PRKCH: variants seen among roughly 807,000 people sequenced by gnomAD.
PRKCH encodes the protein protein kinase C eta type.
Under a neutral mutation model 82.5 loss-of-function variants are expected in PRKCH, and 28 were observed. That is an observed-to-expected ratio of 0.34 (90% CI 0.25 to 0.47). The LOEUF (loss-of-function observed/expected upper bound fraction) is 0.47, where lower values mean the gene tolerates loss of function less well. PRKCH is among the 20% of genes least tolerant of loss of function. The probability of loss-of-function intolerance (pLI) is 1.00; values close to 1 mark genes in which losing one functional copy is unlikely to be tolerated. For missense variants in PRKCH, 705 were observed against 881.8 expected (o/e 0.80, Z 2.54); for synonymous variants, 322 against 327.4 (o/e 0.98, Z 0.18).
chr14:61,221,651 C>T (rs1337241692), intron 1 of PRKCH, among the ~76,000 whole-genome samples: 1 of 152,038 alleles, frequency 6.6e-6, no homozygotes, highest in African/African-American at 2.4e-5. Flanking sequence ...GACCTTGGTC[C>T]CCACTTAGAG....
At chr14:61,534,421 A>G (rs544049225) in intron 12 of PRKCH, among the ~76,000 whole-genome samples, 1 of 152,296 alleles carries the variant, frequency 6.6e-6, no homozygotes, top group African/African-American at 2.4e-5. Flanking sequence ...GTTCTTTACC[A>G]ATATTGACTT....
At chr14:61,529,334 C>A in intron 11 of PRKCH, 121 bp downstream of exon 11, 1 of 1,214,386 alleles carries the variant, frequency 8.2e-7, no homozygotes, top group Non-Finnish European at 1.1e-6. Context: ...GTGTCTAGAG[C>A]CGACACCTCT....
At chr14:61,439,034 A>G (rs1441477284) in intron 2 of PRKCH, among the ~76,000 whole-genome samples, 1 of 152,208 alleles carries the variant, frequency 6.6e-6, no homozygotes, top group Non-Finnish European at 1.5e-5. Flanking sequence ...ATTTAGAGCC[A>G]TTGGGCACCT....
At chr14:61,481,109 G>A (rs181104032) in intron 9 of PRKCH, among the ~76,000 whole-genome samples, 4 of 152,294 alleles carry the variant, frequency 2.6e-5, no homozygotes, top group East Asian at 1.9e-4. Flanking sequence ...ACACTGTGGC[G>A]ATGTGCTGTG....
Position 61,306,514 on chromosome 14 carries a change from G to A in PRKCH, c.-19+118846G>A, listed in dbSNP as rs146017645. The stretch of plus-strand genomic sequence containing the variant: ...CCCCAGACAGAAAGCTGAAGAGGAC[G>A]TGCAGATCACATTGTGTTTCCTTTC... On this transcript the variant is annotated intron_variant, in intron 1 of 3. Coordinates refer to the PRKCH transcript ENST00000555185. 5.9e-5 allele frequency: 9 copies of A among 152,306 alleles called. No homozygotes were observed. In the East Asian group the frequency reaches 1.2e-3, roughly 20 times the overall value. 9.4% of individuals were successfully genotyped at this position (152,306 alleles called of 1,614,324 possible).
intron 10 of PRKCH, among the ~76,000 whole-genome samples, chr14:61,503,383 G>A (rs1258387272): frequency 6.6e-6 from 1 of 151,654 alleles, no homozygotes; most frequent in African/African-American, 2.4e-5. Flanking sequence ...AAAGTTAACT[G>A]AGGTCTGCCA....
chr14:61,327,675 A>T (rs529295598), intron 1 of PRKCH, among the ~76,000 whole-genome samples: 18 of 152,250 alleles, frequency 1.2e-4, no homozygotes, highest in African/African-American at 4.1e-4. Context: ...TTGTTAATGA[A>T]TTTGCTTATT....
intron 2 of PRKCH, among the ~76,000 whole-genome samples, chr14:61,395,519 A>G (rs530073386): frequency 1.3e-5 from 2 of 152,270 alleles, no homozygotes; most frequent in Admixed American, 6.5e-5. Context: ...TTGGACTGTG[A>G]AAAGGGCATT....
chr14:61,245,503 G>T (rs1020179814), intron 1 of PRKCH, among the ~76,000 whole-genome samples: 1 of 152,260 alleles, frequency 6.6e-6, no homozygotes, highest in South Asian at 2.1e-4. Flanking sequence ...TTCGTGAGAT[G>T]TGGGCAGGTA....
intron 7 of PRKCH, among the ~76,000 whole-genome samples, chr14:61,453,833 T>TA (rs1046629233): frequency 2.0e-5 from 3 of 151,504 alleles, no homozygotes; most frequent in African/African-American, 7.3e-5. Context: ...TTTTATTTTT[T>TA]TTTTTGTAGA....
intron 4 of PRKCH, among the ~76,000 whole-genome samples, chr14:61,446,213 C>G: frequency 6.7e-6 from 1 of 150,246 alleles, no homozygotes; most frequent in Non-Finnish European, 1.5e-5. Flanking sequence ...CAAAGTTAAG[C>G]TGTCAGTGAT....
At chr14:61,385,894 A>G (rs373006441) in intron 1 of PRKCH, among the ~76,000 whole-genome samples, 2 of 152,194 alleles carry the variant, frequency 1.3e-5, no homozygotes, top group Non-Finnish European at 1.5e-5. Flanking sequence ...GGAGTTGCCC[A>G]CCTGTCTGAA....
chr14:61,508,665 A>G (rs1332124818), intron 10 of PRKCH, among the ~76,000 whole-genome samples: 6 of 152,110 alleles, frequency 3.9e-5, no homozygotes, highest in Admixed American at 3.9e-4. Context: ...GCTCCTGGTC[A>G]TTTCTTTCCC....
At chr14:61,270,461 C>A (rs568712651) in intron 1 of PRKCH, among the ~76,000 whole-genome samples, 57 of 152,324 alleles carry the variant, frequency 3.7e-4, no homozygotes, top group Middle Eastern at 3.4e-3. Context: ...AGGGGACTTA[C>A]CTGCAGGGGC....
chr14:61,355,331 T>TC (rs145493760), intron 1 of PRKCH, among the ~76,000 whole-genome samples: 2,587 of 152,256 alleles, frequency 0.017, 71 homozygotes, highest in South Asian at 0.069. Context: ...ATCTTTGTTT[T>TC]TTTTTTCTTA....
At chr14:61,232,248 CCG>C (rs1382441567) in intron 1 of PRKCH, among the ~76,000 whole-genome samples, 1 of 152,192 alleles carries the variant, frequency 6.6e-6, no homozygotes, top group East Asian at 1.9e-4. Context: ...TTTTTTGAGA[CCG>C]AGTCTTGCCC....
intron 2 of PRKCH, among the ~76,000 whole-genome samples, chr14:61,403,600 T>G (rs1206928799): frequency 6.6e-6 from 1 of 152,212 alleles, no homozygotes; most frequent in Non-Finnish European, 1.5e-5. Context: ...CTGTTACAGA[T>G]AGCTTCATGC....
At chr14:61,428,933 G>GT (rs2140256369) in intron 2 of PRKCH, among the ~76,000 whole-genome samples, 1 of 152,176 alleles carries the variant, frequency 6.6e-6, no homozygotes, top group Non-Finnish European at 1.5e-5. Flanking sequence ...TGTAACTATA[G>GT]TTTTTTCTTT....
At chr14:61,535,733 A>G (rs1370125644) in intron 12 of PRKCH, among the ~76,000 whole-genome samples, 1 of 152,224 alleles carries the variant, frequency 6.6e-6, no homozygotes, top group East Asian at 1.9e-4. Flanking sequence ...GTAAAAGATC[A>G]CCCTGGCTAT....
Sources: allele counts gnomAD v4.1 joint callset (sites outside exome capture counted in the v4.1 genomes callset), GRCh38; gene constraint gnomAD v4.1.1; transcripts MANE v1.5; gene names NCBI Gene and HGNC (gene_info 2026-07-23, HGNC 2026-07-21).